The following ATRNL1 variants were observed in gnomAD, a reference collection of about 807,000 sequenced individuals.
ATRNL1 encodes attractin like 1, also known as attractin-like protein 1.
In ATRNL1, 95 loss-of-function variants were observed where a neutral mutation model predicts 182.7. The observed-to-expected ratio is 0.52, with a 90% CI of 0.44 to 0.62. The LOEUF is 0.62. Ranked by LOEUF, ATRNL1 falls within the 20% of genes least tolerant of loss-of-function variation. The probability of loss-of-function intolerance (pLI) is 0.00; values close to 1 mark genes in which losing one functional copy is unlikely to be tolerated. For synonymous variants in ATRNL1, 576 were observed against 568.3 expected (o/e 1.01, Z -0.19); for missense variants, 1,471 against 1,679.5 (o/e 0.88, Z 2.17).
chr10:115,620,275 C>T (rs1857658692), intron 26 of ATRNL1, among the ~76,000 whole-genome samples: 1 of 152,094 alleles, frequency 6.6e-6, no homozygotes, highest in Non-Finnish European at 1.5e-5. Context: ...TAACTCATTA[C>T]CTCAGGAATG....
chr10:115,241,846 G>T, intron 10 of ATRNL1, 121 bp downstream of exon 10: 1 of 802,870 alleles, frequency 1.2e-6, no homozygotes, highest in Non-Finnish European at 1.9e-6. Flanking sequence ...GATAGAATAT[G>T]AATGGAATTC....
chr10:115,601,178 G>A (rs984432219), intron 26 of ATRNL1, among the ~76,000 whole-genome samples: 18 of 151,672 alleles, frequency 1.2e-4, no homozygotes, highest in Admixed American at 1.0e-3. Flanking sequence ...ATTTGACATT[G>A]TTTCCAAATA....
intron 25 of ATRNL1, among the ~76,000 whole-genome samples, chr10:115,541,528 A>T (rs1852360402): frequency 6.6e-6 from 1 of 152,206 alleles, no homozygotes; most frequent in South Asian, 2.1e-4. Context: ...TCTGTGGCCC[A>T]ACAATTCCAA....
intron 21 of ATRNL1, among the ~76,000 whole-genome samples, chr10:115,435,394 C>T (rs1361839852): frequency 1.3e-5 from 2 of 152,136 alleles, no homozygotes; most frequent in African/African-American, 4.8e-5. Context: ...TTCTCTCTTG[C>T]CCTTTGGCCT....
At chr10:115,602,045 C>T (rs2133944735) in intron 26 of ATRNL1, among the ~76,000 whole-genome samples, 2 of 151,796 alleles carry the variant, frequency 1.3e-5, no homozygotes, top group South Asian at 4.1e-4. Flanking sequence ...TTACAATATG[C>T]ATTTTGAACT....
chr10:115,459,034 G>A (rs1269443713), intron 21 of ATRNL1, among the ~76,000 whole-genome samples: 1 of 152,056 alleles, frequency 6.6e-6, no homozygotes, highest in African/African-American at 2.4e-5. Context: ...TGTCTTTACT[G>A]CAATCTCTAA....
intron 11 of ATRNL1, 70 bp downstream of exon 11, chr10:115,265,347 T>C: frequency 1.0e-6 from 1 of 972,224 alleles, no homozygotes; most frequent in Non-Finnish European, 1.5e-6. Flanking sequence ...TATTCTGGTA[T>C]TCTTTTTGAA....
At chr10:115,123,961 G>T (rs1844853730) in intron 3 of ATRNL1, among the ~76,000 whole-genome samples, 1 of 151,860 alleles carries the variant, frequency 6.6e-6, no homozygotes, top group Non-Finnish European at 1.5e-5. Context: ...CCATCTAGTT[G>T]CAGGAAATCA....
At chr10:115,557,666 C>A (rs566096418) in intron 26 of ATRNL1, among the ~76,000 whole-genome samples, 3 of 152,112 alleles carry the variant, frequency 2.0e-5, no homozygotes, top group Non-Finnish European at 2.9e-5. Context: ...AAGAATGGAA[C>A]AAGATGACTT....
intron 8 of ATRNL1, among the ~76,000 whole-genome samples, chr10:115,200,238 T>A (rs77388042): frequency 2.6e-5 from 4 of 151,876 alleles, no homozygotes; most frequent in Non-Finnish European, 4.4e-5. Context: ...TTTTTTTTTT[T>A]AATTATACTT....
rs115150857 is a variant in ATRNL1, at chr10:115,698,468, C to T, written c.3796-28780C>T. Among the ~76,000 whole-genome samples the T allele has an allele frequency of 6.4e-3, 972 of 152,100 alleles. 11 individuals carry two copies. The highest frequency in any genetic ancestry group is 0.022 in the African/African-American group (928 of 41,502). ...AGTTCAGTTGAACATAAAGTTGCTA[C>T]AGTTGTTGCTAGTGTCAAGAAGAAA... On this transcript the variant is annotated intron_variant, in intron 26 of 28. Transcript: ENST00000355044.
intron 27 of ATRNL1, among the ~76,000 whole-genome samples, chr10:115,789,980 A>G (rs1286052842): frequency 6.6e-6 from 1 of 152,238 alleles, no homozygotes; most frequent in Non-Finnish European, 1.5e-5. Context: ...ATTATAGAAG[A>G]GACAAAGAAT....
intron 1 of ATRNL1, among the ~76,000 whole-genome samples, chr10:115,111,647 G>A (rs1042765179): frequency 3.2e-4 from 49 of 152,088 alleles, no homozygotes; most frequent in Admixed American, 2.4e-3. Flanking sequence ...CCATTCATGA[G>A]GGATCTGCCT....
In ATRNL1 at chr10:115,115,319, G is replaced by A. The variant is rs143511094; in HGVS notation, c.294-4866G>A. ...ATAAGTGTTCTATTATTTCGTTGGC[G>A]TTCTATTGTACAATGAAGTGACTAA... On this transcript the variant is annotated intron_variant, in intron 1 of 28. Transcript: ENST00000355044. 1.1e-4 allele frequency among the ~76,000 whole-genome samples: 17 copies of A among 152,092 alleles called. No homozygotes were observed. In the East Asian group the frequency reaches 1.4e-3, roughly 12 times the overall value.
At chr10:115,515,318 CTTTTTT>C (rs56692263) in intron 24 of ATRNL1, among the ~76,000 whole-genome samples, 1 of 120,206 alleles carries the variant, frequency 8.3e-6, no homozygotes, top group Admixed American at 8.6e-5. Flanking sequence ...AATAGTTGTT[CTTTTTT>C]TTTTTTTTTT....
intron 27 of ATRNL1, among the ~76,000 whole-genome samples, chr10:115,771,252 A>G (rs1555076302): frequency 6.9e-6 from 1 of 144,684 alleles, no homozygotes; most frequent in African/African-American, 2.6e-5. Flanking sequence ...TTTTTTTGAG[A>G]CAGAGTCTCA....
At chr10:115,790,082 T>G (rs1475635137) in intron 27 of ATRNL1, among the ~76,000 whole-genome samples, 1 of 152,142 alleles carries the variant, frequency 6.6e-6, no homozygotes, top group Non-Finnish European at 1.5e-5. Context: ...ATGCTTTTAT[T>G]TTTTTCAGAC....
chr10:115,265,859 A>G (rs1170576462), intron 11 of ATRNL1, among the ~76,000 whole-genome samples: 9 of 151,792 alleles, frequency 5.9e-5, no homozygotes, highest in African/African-American at 2.2e-4. Flanking sequence ...ACAGTAAACA[A>G]TCTGCTAGCT....
At chr10:115,785,159 A>G (rs1555080113) in intron 27 of ATRNL1, among the ~76,000 whole-genome samples, 1 of 152,226 alleles carries the variant, frequency 6.6e-6, no homozygotes, top group Non-Finnish European at 1.5e-5. Context: ...AAACTAGTAA[A>G]CAAATTATCT....
Sources: gnomAD v4.1 joint callset for allele counts (sites outside exome capture counted in the v4.1 genomes callset) on GRCh38, gnomAD v4.1.1 for gene constraint, MANE v1.5 for transcripts, NCBI Gene and HGNC (gene_info 2026-07-23, HGNC 2026-07-21) for gene names.